The following PHF24 variants were observed in gnomAD, a reference collection of about 807,000 sequenced individuals.
PHF24 encodes the protein Galpha inhibitory interacting protein.
Under a neutral mutation model 42.6 loss-of-function variants are expected in PHF24, and 25 were observed. That is an observed-to-expected ratio of 0.59 (90% CI 0.43 to 0.82). The LOEUF (loss-of-function observed/expected upper bound fraction) is 0.82, where lower values mean the gene tolerates loss of function less well. PHF24 is among the 40% of genes least tolerant of loss of function. The pLI is 0.00. For synonymous variants in PHF24, 185 were observed against 204.8 expected, an observed-to-expected ratio of 0.90 and a Z score of 0.83; for missense variants, 470 against 538.1, an observed-to-expected ratio of 0.87 and a Z score of 1.25.
At chr9:34,900,887 C>A in the PHF24 span, among the ~76,000 whole-genome samples, 6 of 152,194 alleles carry the variant, frequency 3.9e-5, no homozygotes, top group Admixed American at 2.6e-4. Flanking sequence ...AATGCTGGTA[C>A]CTTCCCAGCC....
the PHF24 span, among the ~76,000 whole-genome samples, chr9:34,697,807 A>G: frequency 1.3e-5 from 2 of 152,090 alleles, no homozygotes; most frequent in African/African-American, 4.8e-5. Flanking sequence ...GGGAACACCA[A>G]CTCTTTGAAA....
chr9:34,752,061 G>T, the PHF24 span, among the ~76,000 whole-genome samples: 1 of 151,982 alleles, frequency 6.6e-6, no homozygotes, highest in South Asian at 2.1e-4. Flanking sequence ...CAATACTAAC[G>T]GGGAAGTTTA....
the PHF24 span, among the ~76,000 whole-genome samples, chr9:34,847,861 T>A: frequency 6.6e-6 from 1 of 152,220 alleles, no homozygotes; most frequent in African/African-American, 2.4e-5. Context: ...GAGATAATCA[T>A]GTGGTTTTGT....
At chr9:34,708,757 G>C in the PHF24 span, among the ~76,000 whole-genome samples, 1 of 152,240 alleles carries the variant, frequency 6.6e-6, no homozygotes, top group Non-Finnish European at 1.5e-5. Context: ...GGTCTGCAGA[G>C]CTGTTGGGGG....
At chr9:34,743,790 TA>T in the PHF24 span, among the ~76,000 whole-genome samples, 1 of 152,218 alleles carries the variant, frequency 6.6e-6, no homozygotes, top group East Asian at 1.9e-4. Flanking sequence ...TTTGCTGCTG[TA>T]ACAGAATACT....
At chr9:34,704,374 T>A in the PHF24 span, among the ~76,000 whole-genome samples, 1 of 152,050 alleles carries the variant, frequency 6.6e-6, no homozygotes, top group Admixed American at 6.6e-5. Context: ...TATATCTGTA[T>A]CAAAGAAGCC....
the PHF24 span, among the ~76,000 whole-genome samples, chr9:34,937,075 G>T: frequency 4.9e-5 from 7 of 144,266 alleles, no homozygotes; most frequent in African/African-American, 1.6e-4. Context: ...GAGGTGAGGG[G>T]CGCCTCTGCC....
the PHF24 span, among the ~76,000 whole-genome samples, chr9:34,692,088 C>T: frequency 1.3e-5 from 2 of 152,060 alleles, no homozygotes; most frequent in African/African-American, 4.8e-5. Flanking sequence ...GACTTCCCAT[C>T]CTTATGAGAA....
chr9:34,929,002 C>G, the PHF24 span, among the ~76,000 whole-genome samples: 4 of 152,200 alleles, frequency 2.6e-5, no homozygotes, highest in Non-Finnish European at 5.9e-5. Context: ...TTCAGCAGCA[C>G]TCCCTAGACA....
the PHF24 span, chr9:34,835,999 G>C: frequency 1.5e-6 from 1 of 683,446 alleles, no homozygotes; most frequent in East Asian, 2.9e-5. Flanking sequence ...TTGGCAACAG[G>C]GATCTGTACA....
chr9:34,922,564 T>G, the PHF24 span: 4 of 975,784 alleles, frequency 4.1e-6, no homozygotes, highest in East Asian at 9.5e-5. Flanking sequence ...CCTTTCATTT[T>G]CAAATAGAAG....
the PHF24 span, among the ~76,000 whole-genome samples, chr9:34,817,329 C>T: frequency 6.6e-6 from 1 of 152,136 alleles, no homozygotes; most frequent in African/African-American, 2.4e-5. Flanking sequence ...ACTGCAGCCT[C>T]AAACTCCTGG....
the PHF24 span, among the ~76,000 whole-genome samples, chr9:34,845,625 T>A: frequency 1.6e-4 from 25 of 152,162 alleles, no homozygotes; most frequent in Non-Finnish European, 3.1e-4. Context: ...ATACTTTAAG[T>A]TTTAGGGTAC....
chr9:34,857,960 A>T, the PHF24 span, among the ~76,000 whole-genome samples: 3 of 121,200 alleles, frequency 2.5e-5, no homozygotes, highest in Non-Finnish European at 3.4e-5. Context: ...GTTCTTTTGA[A>T]TTGTTTCTCT....
chr9:34,917,983 C>T, the PHF24 span: 1 of 1,376,730 alleles, frequency 7.3e-7, no homozygotes, highest in East Asian at 2.3e-5. Context: ...CTGAAATACA[C>T]TGGGGAGGCC....
At chr9:34,784,954 T>C in the PHF24 span, among the ~76,000 whole-genome samples, 1 of 152,246 alleles carries the variant, frequency 6.6e-6, no homozygotes, top group African/African-American at 2.4e-5. Flanking sequence ...AATTTAATTT[T>C]GAAATGTGTT....
the PHF24 span, among the ~76,000 whole-genome samples, chr9:34,852,167 C>T: frequency 1.3e-5 from 2 of 152,188 alleles, no homozygotes; most frequent in Admixed American, 1.3e-4. Context: ...ATTTTCTCTT[C>T]CTTATGACTT....
chr9:34,909,832 T>C, the PHF24 span, among the ~76,000 whole-genome samples: 20,718 of 152,122 alleles, frequency 0.14, 1,498 homozygotes, highest in Non-Finnish European at 0.16. Flanking sequence ...CTGTGTTAGC[T>C]AGGATGGTCT....
At chr9:34,852,283 G>A in the PHF24 span, among the ~76,000 whole-genome samples, 2 of 152,126 alleles carry the variant, frequency 1.3e-5, no homozygotes, top group African/African-American at 4.8e-5. Context: ...TCAACAGTAG[G>A]CTATTGGTAA....
Sources: gnomAD v4.1 joint callset for allele counts (sites outside exome capture counted in the v4.1 genomes callset) on GRCh38, gnomAD v4.1.1 for gene constraint, MANE v1.5 for transcripts, NCBI Gene and HGNC (gene_info 2026-07-23, HGNC 2026-07-21) for gene names.